KCND2: variants seen among roughly 807,000 people sequenced by gnomAD.
The protein encoded by KCND2 is A-type voltage-gated potassium channel KCND2.
Under a neutral mutation model 54.4 loss-of-function variants are expected in KCND2, and 16 were observed. That is an observed-to-expected ratio of 0.29 (90% confidence interval 0.20 to 0.45). The LOEUF is 0.45. KCND2 is among the 20% of genes least tolerant of loss of function. KCND2 has a pLI of 1.00. For missense variants in KCND2, 486 were observed against 824.2 expected, an observed-to-expected ratio of 0.59 and a Z score of 5.02; for synonymous variants, 317 against 310.7, an observed-to-expected ratio of 1.02 and a Z score of -0.21.
chr7:120,367,516 G>A (rs1800704692), intron 1 of KCND2, among the ~76,000 whole-genome samples: 1 of 151,572 alleles, frequency 6.6e-6, no homozygotes, highest in Non-Finnish European at 1.5e-5. Flanking sequence ...CGTAAAGTAG[G>A]TGTTGAGGAG....
At chr7:120,574,754 T>G (rs1792406844) in intron 1 of KCND2, among the ~76,000 whole-genome samples, 1 of 152,158 alleles carries the variant, frequency 6.6e-6, no homozygotes, top group South Asian at 2.1e-4. Flanking sequence ...TTTTTTTCTC[T>G]CTCTCTGCCT....
chr7:120,534,293 C>T (rs1791876444), intron 1 of KCND2, among the ~76,000 whole-genome samples: 3 of 152,150 alleles, frequency 2.0e-5, no homozygotes, highest in Admixed American at 1.3e-4. Flanking sequence ...CGTACCATTG[C>T]ATGATGTAAT....
chr7:120,315,472 G>GA (rs1181601414), intron 1 of KCND2, among the ~76,000 whole-genome samples: 4 of 152,026 alleles, frequency 2.6e-5, no homozygotes, highest in Non-Finnish European at 5.9e-5. Flanking sequence ...TTTTCCACAG[G>GA]AAAGCAAAGG....
chr7:120,670,579 C>CT (rs1006479081), intron 1 of KCND2, among the ~76,000 whole-genome samples: 38 of 152,058 alleles, frequency 2.5e-4, no homozygotes, highest in African/African-American at 9.2e-4. Context: ...ACTGTAAAAC[C>CT]ATGCCCCACC....
At chr7:120,380,293 T>C (rs1800897864) in intron 1 of KCND2, among the ~76,000 whole-genome samples, 1 of 152,068 alleles carries the variant, frequency 6.6e-6, no homozygotes, top group Non-Finnish European at 1.5e-5. Flanking sequence ...TGTGACTCTC[T>C]ATGTGCTGTA....
At chr7:120,395,578 G>A (rs1417672004) in intron 1 of KCND2, among the ~76,000 whole-genome samples, 3 of 152,044 alleles carry the variant, frequency 2.0e-5, no homozygotes, top group Non-Finnish European at 4.4e-5. Context: ...TTCTTGTGGA[G>A]CAGGACTAAC....
chr7:120,636,533 A>G (rs1793306746), intron 1 of KCND2, among the ~76,000 whole-genome samples: 1 of 152,074 alleles, frequency 6.6e-6, no homozygotes, highest in Non-Finnish European at 1.5e-5. Flanking sequence ...TGTCAACTAG[A>G]TAGTGGTTAA....
intron 1 of KCND2, among the ~76,000 whole-genome samples, chr7:120,301,273 C>A (rs1272890253): frequency 6.6e-6 from 1 of 152,112 alleles, no homozygotes; most frequent in East Asian, 1.9e-4. Context: ...GCCACTCTTT[C>A]ACTTCTAGGC....
intron 1 of KCND2, among the ~76,000 whole-genome samples, chr7:120,652,068 C>CAAAA (rs1791741615): frequency 6.7e-6 from 1 of 150,174 alleles, no homozygotes; most frequent in East Asian, 1.9e-4. Context: ...CAGTCTATCT[C>CAAAA]TATCTTTTTT....
chr7:120,607,458 C>T (rs1792895895), intron 1 of KCND2, among the ~76,000 whole-genome samples: 1 of 152,108 alleles, frequency 6.6e-6, no homozygotes, highest in African/African-American at 2.4e-5. Flanking sequence ...TTTTCTGGTA[C>T]TACCCACTAT....
At chr7:120,582,920 A>T (rs2116445896) in intron 1 of KCND2, among the ~76,000 whole-genome samples, 1 of 150,656 alleles carries the variant, frequency 6.6e-6, no homozygotes, top group African/African-American at 2.4e-5. Context: ...TTAGTTTCTC[A>T]TCCTATCTGG....
rs554079806 is a variant in KCND2, at chr7:120,598,409, T to C, written c.1116-134494T>C. On this transcript the variant is annotated intron_variant, in intron 1 of 5. Coordinates refer to ENST00000331113, the MANE Select transcript of KCND2 (RefSeq NM_012281.3). Reference sequence around the variant, plus strand: ...ACATGGTTTATGTAGCTCTTCTTTATATAGGATTGCTAGATCATTTGATAA... The same window carrying C: ...ACATGGTTTATGTAGCTCTTCTTTACATAGGATTGCTAGATCATTTGATAA... Among the ~76,000 whole-genome samples the C allele has an allele frequency of 1.1e-4, 16 of 152,304 alleles. No individual in the cohort carries two copies. The South Asian group carries it at 2.7e-3, about 26-fold the overall frequency.
intron 1 of KCND2, among the ~76,000 whole-genome samples, chr7:120,625,755 T>A (rs1420669631): frequency 6.6e-6 from 1 of 152,072 alleles, no homozygotes; most frequent in African/African-American, 2.4e-5. Flanking sequence ...TATGAGAAGG[T>A]TGAAGAAATC....
At chr7:120,737,560 A>G (rs1792890849) in intron 2 of KCND2, among the ~76,000 whole-genome samples, 1 of 152,014 alleles carries the variant, frequency 6.6e-6, no homozygotes, top group Non-Finnish European at 1.5e-5. Context: ...GGAATGTTGC[A>G]CTGTCTGCCA....
intron 1 of KCND2, among the ~76,000 whole-genome samples, chr7:120,679,324 T>A (rs889905290): frequency 3.3e-5 from 5 of 152,022 alleles, no homozygotes; most frequent in African/African-American, 1.2e-4. Context: ...CTAATATTGT[T>A]TTCTGTTCAC....
chr7:120,316,336 C>G (rs1324660327), intron 1 of KCND2, among the ~76,000 whole-genome samples: 8 of 152,144 alleles, frequency 5.3e-5, no homozygotes, highest in Non-Finnish European at 1.2e-4. Context: ...GATGCAGAGG[C>G]AATTTTCAGA....
intron 1 of KCND2, among the ~76,000 whole-genome samples, chr7:120,470,501 T>G (rs1802438507): frequency 6.6e-6 from 1 of 152,110 alleles, no homozygotes; most frequent in African/African-American, 2.4e-5. Flanking sequence ...CATTATATCA[T>G]TTTTCCTAAT....
intron 1 of KCND2, among the ~76,000 whole-genome samples, chr7:120,627,355 G>A (rs1169256483): frequency 6.6e-6 from 1 of 151,840 alleles, no homozygotes; most frequent in Non-Finnish European, 1.5e-5. Flanking sequence ...TTGCTAAAAG[G>A]AATAAACATA....
At chr7:120,503,903 T>C (rs920269161) in intron 1 of KCND2, among the ~76,000 whole-genome samples, 4 of 151,908 alleles carry the variant, frequency 2.6e-5, no homozygotes, top group African/African-American at 4.8e-5. Context: ...TTCATTAGCT[T>C]CACCGCAAAT....
Sources: gnomAD v4.1 joint callset for allele counts (sites outside exome capture counted in the v4.1 genomes callset) on GRCh38, gnomAD v4.1.1 for gene constraint, MANE v1.5 for transcripts, NCBI Gene and HGNC (gene_info 2026-07-23, HGNC 2026-07-21) for gene names.